The following DCT variants were observed in gnomAD, a reference collection of about 807,000 sequenced individuals.
DCT encodes L-dopachrome tautomerase.
In DCT, 47 loss-of-function variants were observed where a neutral mutation model predicts 53.0. The observed-to-expected ratio is 0.89, with a 90% CI of 0.70 to 1.13. The LOEUF is 1.13. Ranked by LOEUF, DCT falls within the 50% of genes most tolerant of loss-of-function variation. The probability of loss-of-function intolerance (pLI) is 0.00; values close to 1 mark genes in which losing one functional copy is unlikely to be tolerated. For missense variants in DCT, 669 were observed against 637.4 expected (o/e 1.05, Z -0.53); for synonymous variants, 244 against 237.0 (o/e 1.03, Z -0.27).
chr13:94,495,743 T>C, the DCT span, among the ~76,000 whole-genome samples: 1 of 152,250 alleles, frequency 6.6e-6, no homozygotes, highest in Non-Finnish European at 1.5e-5. Context: ...AAGGATGTAC[T>C]ATCTCAAAGG....
At chr13:94,548,856 G>A in the DCT span, among the ~76,000 whole-genome samples, 2 of 152,196 alleles carry the variant, frequency 1.3e-5, no homozygotes, top group Non-Finnish European at 2.9e-5. Context: ...GAAACAGAAA[G>A]GAACGTCTAG....
Position 94,439,815 on chromosome 13 carries a change from G to T in DCT, c.*83C>A. On this transcript the variant is annotated 3_prime_UTR_variant, in exon 8 of 8. Transcript: ENST00000377028. Reference sequence around the variant, plus strand: ...TGTCAAAGATCTTCAACTCAAGAAGGAACAGTGAGGATTAGTTCCTTTATT... The same window carrying T: ...TGTCAAAGATCTTCAACTCAAGAAGTAACAGTGAGGATTAGTTCCTTTATT... The T allele has an allele frequency of 9.8e-7, 1 of 1,024,460 alleles. No individual in the cohort carries two copies. The highest frequency in any genetic ancestry group is 1.7e-5 in the South Asian group (1 of 59,180). 63.5% of individuals were successfully genotyped at this position (1,024,460 alleles called of 1,614,324 possible). A position where few individuals can be genotyped will look rare whatever the true frequency, so the allele number is the denominator to read the frequency against.
chr13:94,503,049 G>A, the DCT span, among the ~76,000 whole-genome samples: 5 of 152,194 alleles, frequency 3.3e-5, no homozygotes, highest in Admixed American at 2.0e-4. Flanking sequence ...CCTGGGACCT[G>A]TGAATGTCAC....
At chr13:94,501,653 AAAG>A in the DCT span, among the ~76,000 whole-genome samples, 2 of 151,734 alleles carry the variant, frequency 1.3e-5, no homozygotes, top group African/African-American at 2.4e-5. Flanking sequence ...AGAGAGAGAG[AAAG>A]GAGAGAGAGG....
chr13:94,475,128 A>T (rs2139371233), intron 1 of DCT, among the ~76,000 whole-genome samples: 1 of 152,316 alleles, frequency 6.6e-6, no homozygotes, highest in South Asian at 2.1e-4. Context: ...GAAGGCTAGC[A>T]ACTTACTCTT....
chr13:94,459,671 A>G (rs1453731608), intron 6 of DCT, among the ~76,000 whole-genome samples: 1 of 152,192 alleles, frequency 6.6e-6, no homozygotes, highest in Non-Finnish European at 1.5e-5. Context: ...AAGTTGGAGT[A>G]GGAGGTTTAA....
the DCT span, among the ~76,000 whole-genome samples, chr13:94,523,322 T>G: frequency 6.6e-6 from 1 of 152,320 alleles, no homozygotes; most frequent in East Asian, 1.9e-4. Context: ...TCAAAACAAC[T>G]TTGACCATAA....
chr13:94,438,747 G>T lies in DCT; in HGVS notation c.*1151C>A. The T allele has an allele frequency of 2.3e-6, 1 of 434,602 alleles. No individual in the cohort carries two copies. The highest frequency in any genetic ancestry group is 1.7e-5 in the South Asian group (1 of 59,450). The allele number at this position is 434,602 out of a possible 1,614,324, so 26.9% of individuals were successfully genotyped here. On this transcript the variant is annotated 3_prime_UTR_variant, in exon 8 of 8. Transcript: ENST00000377028. ...TCTTATTCCTCATGATCTGATGATT[G>T]CATAGCAGAATATAACCACTTAATT... is the stretch of plus-strand genomic sequence containing the variant.
At chr13:94,546,047 G>GA in the DCT span, among the ~76,000 whole-genome samples, 1 of 152,110 alleles carries the variant, frequency 6.6e-6, no homozygotes, top group Non-Finnish European at 1.5e-5. This position sits in a 1 kb window ranked among gnomAD's most constrained non-coding sequence, Gnocchi z 4.2. Context: ...ACCATCTGAT[G>GA]AAAGGCTTCT....
chr13:94,508,675 G>A, the DCT span, among the ~76,000 whole-genome samples: 1 of 152,160 alleles, frequency 6.6e-6, no homozygotes, highest in African/African-American at 2.4e-5. Flanking sequence ...TCTGGGAAAG[G>A]GGGATTCGAA....
At chr13:94,514,729 A>C in the DCT span, among the ~76,000 whole-genome samples, 2 of 152,218 alleles carry the variant, frequency 1.3e-5, no homozygotes. Context: ...GGGGGAAGAC[A>C]AAAGATGGAC....
chr13:94,523,093 A>G, the DCT span, among the ~76,000 whole-genome samples: 473 of 152,310 alleles, frequency 3.1e-3, 2 homozygotes, highest in African/African-American at 0.011. Context: ...CAAAGCAAGA[A>G]TGTCGCAGTT....
the DCT span, among the ~76,000 whole-genome samples, chr13:94,516,989 T>C: frequency 6.6e-6 from 1 of 152,218 alleles, no homozygotes; most frequent in African/African-American, 2.4e-5. Flanking sequence ...CAAAAGCGTG[T>C]TCTAAGAAAC....
chr13:94,489,135 T>C, the DCT span, among the ~76,000 whole-genome samples: 1 of 152,218 alleles, frequency 6.6e-6, no homozygotes, highest in Non-Finnish European at 1.5e-5. Flanking sequence ...ATTTTCATTC[T>C]ATATTTTTGT....
At chr13:94,546,745 T>G in the DCT span, among the ~76,000 whole-genome samples, 1 of 152,098 alleles carries the variant, frequency 6.6e-6, no homozygotes, top group Admixed American at 6.6e-5. This position sits in a 1 kb window ranked among gnomAD's most constrained non-coding sequence, Gnocchi z 4.2. Context: ...CTGAAACTGG[T>G]CATCATCAGT....
chr13:94,445,542 T>A lies in DCT; in HGVS notation c.1180-1905A>T, dbSNP rs1447786793. ...TGACTGCAGCTGCACTGAAAGATGC[T>A]AGGCTAGAACTGCCTAGTCAAGCCC... On this transcript the variant is annotated intron_variant, in intron 6 of 7. Coordinates refer to ENST00000377028, the MANE Select transcript of DCT (RefSeq NM_001922.5). 5 of 590,948 alleles carry A rather than the reference T, an allele frequency of 8.5e-6. 1 individual carries two copies. In the Admixed American group the frequency reaches 1.5e-4, roughly 18 times the overall value. The allele number at this position is 590,948 out of a possible 1,614,324, so 36.6% of individuals were successfully genotyped here.
the DCT span, among the ~76,000 whole-genome samples, chr13:94,539,189 C>T: frequency 6.6e-6 from 1 of 152,328 alleles, no homozygotes; most frequent in Middle Eastern, 3.4e-3. Context: ...AGAAAGCACA[C>T]ATTCAACACA....
chr13:94,459,771 T>C lies in DCT; in HGVS notation c.1179+320A>G, dbSNP rs546455842. On this transcript the variant is annotated intron_variant, in intron 6 of 7. Transcript: ENST00000377028. ...GGTAACACATTGAAGGTGGTTTGTG[T>C]GGACTACTGAACCTCAACAATACTC... Among the ~76,000 whole-genome samples the C allele has an allele frequency of 2.0e-5, 3 of 152,370 alleles. No individual in the cohort carries two copies. The East Asian group carries it at 5.8e-4, about 29-fold the overall frequency.
the DCT span, among the ~76,000 whole-genome samples, chr13:94,527,795 G>A: frequency 2.0e-5 from 3 of 152,222 alleles, no homozygotes; most frequent in South Asian, 4.1e-4. Flanking sequence ...AGTTTGACGA[G>A]TTGACAGAAG....
Sources: gnomAD v4.1 joint callset for allele counts (sites outside exome capture counted in the v4.1 genomes callset) on GRCh38, gnomAD v4.1.1 for gene constraint, Gnocchi (gnomAD v3.1) non-coding constraint, MANE v1.5 for transcripts, NCBI Gene and HGNC (gene_info 2026-07-23, HGNC 2026-07-21) for gene names.